The following APBA2 variants were observed in gnomAD, a reference collection of about 807,000 sequenced individuals.
The protein encoded by APBA2 is amyloid-beta A4 precursor protein-binding family A member 2.
A neutral mutation model predicts 75.0 loss-of-function variants in APBA2; 30 were observed. That is an observed-to-expected ratio of 0.40 (90% CI 0.30 to 0.54). The LOEUF (loss-of-function observed/expected upper bound fraction) is 0.54, where lower values mean the gene tolerates loss of function less well. Among genes scored for constraint, APBA2 ranks in the 20% least tolerant of loss-of-function variants. The pLI, the probability that APBA2 is intolerant of heterozygous loss-of-function variation, is 0.49. For synonymous variants in APBA2, 444 were observed against 409.6 expected (o/e 1.08, Z -1.01); for missense variants, 801 against 1,016.1 (o/e 0.79, Z 2.88).
intron 1 of APBA2, among the ~76,000 whole-genome samples, chr15:28,913,445 C>T (rs1188967745): frequency 6.6e-6 from 1 of 152,168 alleles, no homozygotes; most frequent in Non-Finnish European, 1.5e-5. Flanking sequence ...TGTCCCTTCC[C>T]CCAGGATCCT....
At chr15:29,029,344 A>G (rs1383390304) in intron 3 of APBA2, among the ~76,000 whole-genome samples, 1 of 151,066 alleles carries the variant, frequency 6.6e-6, no homozygotes, top group African/African-American at 2.4e-5. Flanking sequence ...AAAAAAAAAA[A>G]CCCCTCTGTA....
chr15:29,098,686 C>A, intron 9 of APBA2, 110 bp downstream of exon 9: 1 of 929,882 alleles, frequency 1.1e-6, no homozygotes, highest in Non-Finnish European at 1.7e-6. Flanking sequence ...GTGCTCTCTG[C>A]GCCCATCAAC....
intron 2 of APBA2, among the ~76,000 whole-genome samples, chr15:28,977,987 G>C (rs936599749): frequency 5.3e-5 from 8 of 152,232 alleles, no homozygotes; most frequent in Admixed American, 4.6e-4. Flanking sequence ...CAGGGGCTGT[G>C]TGTGCAGATA....
intron 3 of APBA2, among the ~76,000 whole-genome samples, chr15:29,050,077 A>G (rs942268006): frequency 6.6e-6 from 1 of 152,226 alleles, no homozygotes; most frequent in Non-Finnish European, 1.5e-5. Flanking sequence ...ATCTAGACAT[A>G]GTTTGCTGGA....
chr15:29,064,868 C>T (rs910118686), intron 4 of APBA2, among the ~76,000 whole-genome samples: 3 of 152,106 alleles, frequency 2.0e-5, no homozygotes, highest in African/African-American at 4.8e-5. Context: ...GCGGTGGCCA[C>T]CTGTTGGCGG....
chr15:28,949,772 T>C (rs2035752068), intron 2 of APBA2, among the ~76,000 whole-genome samples: 1 of 152,152 alleles, frequency 6.6e-6, no homozygotes, highest in African/African-American at 2.4e-5. Context: ...CCCGGCCTCT[T>C]GTTGTTGTTA....
intron 2 of APBA2, among the ~76,000 whole-genome samples, chr15:28,930,590 T>C (rs2034513249): frequency 2.0e-5 from 3 of 152,146 alleles, no homozygotes; most frequent in Non-Finnish European, 4.4e-5. Flanking sequence ...CCTTCTTTCT[T>C]TCTTTGCCTC....
chr15:29,017,559 A>C (rs2039736072), intron 3 of APBA2, among the ~76,000 whole-genome samples: 2 of 151,952 alleles, frequency 1.3e-5, no homozygotes, highest in Non-Finnish European at 2.9e-5. Flanking sequence ...TAGTAGAGAC[A>C]GCAATTTCAC....
chr15:29,085,366 A>T (rs918882338), intron 6 of APBA2, among the ~76,000 whole-genome samples: 4 of 152,038 alleles, frequency 2.6e-5, no homozygotes, highest in African/African-American at 9.7e-5. Context: ...TCTACTAAAA[A>T]TACAAAAAAT....
rs200959238 is a variant in APBA2, at chr15:29,094,396, T to TC, written c.1251+87dup. On this transcript the variant is annotated intron_variant, in intron 8 of 14. Coordinates refer to ENST00000683413, the MANE Select transcript of APBA2 (RefSeq NM_001353788.2). ...TCCTGGGCAGTGGGGGCTGGGGGGT[T>TC]CCCCTGGGGATCTAAATAATGTTGC... 5,159 of 1,285,432 alleles carry TC rather than the reference T, an allele frequency of 4.0e-3. 163 individuals are homozygous for TC. In the African/African-American group the frequency reaches 0.068, roughly 17 times the overall value. The allele number at this position is 1,285,432 out of a possible 1,614,324, so 79.6% of individuals were successfully genotyped here. A position where few individuals can be genotyped will look rare whatever the true frequency, so the allele number is the denominator to read the frequency against.
At chr15:29,056,636 C>CCTCTCTCTCTCTCT (rs147310000) in intron 4 of APBA2, among the ~76,000 whole-genome samples, 17 of 96,298 alleles carry the variant, frequency 1.8e-4, no homozygotes, top group African/African-American at 8.6e-4. Context: ...CTCCCTCCCT[C>CCTCTCTCTCTCTCT]CTCTCTCTCT....
rs537903809 is a variant in APBA2, at chr15:28,994,903, C to T, written c.-94-850C>T. On this transcript the variant is annotated intron_variant, in intron 2 of 14. Coordinates refer to ENST00000683413, the MANE Select transcript of APBA2 (RefSeq NM_001353788.2). ...TTCGTGAAGGGCTCGCAGCCTGGCC[C>T]GGCTCAACAGCTGATGCCCCCGGGA... is the stretch of plus-strand genomic sequence containing the variant. 1.4e-4 allele frequency among the ~76,000 whole-genome samples: 21 copies of T among 152,314 alleles called. No homozygotes were observed. The South Asian group carries it at 1.7e-3, about 12-fold the overall frequency.
intron 2 of APBA2, among the ~76,000 whole-genome samples, chr15:28,974,340 G>A (rs1223248923): frequency 6.6e-6 from 1 of 152,200 alleles, no homozygotes; most frequent in African/African-American, 2.4e-5. Flanking sequence ...CTACGATGCG[G>A]AAACCACAGG....
At chr15:28,977,724 G>C (rs1277320553) in intron 2 of APBA2, among the ~76,000 whole-genome samples, 8 of 152,132 alleles carry the variant, frequency 5.3e-5, no homozygotes, top group Non-Finnish European at 1.0e-4. Flanking sequence ...TACATGTCTG[G>C]GCCTACCTTC....
chr15:29,041,781 T>C (rs574433049), intron 3 of APBA2, among the ~76,000 whole-genome samples: 1 of 152,114 alleles, frequency 6.6e-6, no homozygotes, highest in Non-Finnish European at 1.5e-5. Context: ...AAAATTTATA[T>C]AGAAAAATAA....
At position 29,106,721 on chromosome 15, in the gene APBA2, G is replaced by T; in HGVS notation, c.1819G>T (p.Ala607Ser). 7.4e-6 allele frequency: 12 copies of T among 1,613,038 alleles called. No individual in the cohort carries two copies. Among genetic ancestry groups the T allele is most frequent in the Non-Finnish European group, 1.0e-5 (12 of 1,180,012 alleles). Residue 607 changes from alanine (A) to serine (S), a missense_variant, in exon 12 of 15, where the codon GCC (alanine) becomes TCC (serine). Physicochemically the swap from Ala to Ser is moderately conservative, Grantham distance 99. Transcript: ENST00000683413. ...LANMMNGGPA[A>S]RSGKLSIGDQ... ...CAACATGATGAATGGCGGCCCGGCT[G>T]CCCGCTCGGGGAAGCTGAGCATCGG...
At chr15:28,996,770 A>G (rs1193246355) in intron 3 of APBA2, among the ~76,000 whole-genome samples, 3 of 152,130 alleles carry the variant, frequency 2.0e-5, no homozygotes, top group African/African-American at 7.2e-5. Flanking sequence ...GCATGTGGTA[A>G]GCTTGGACAG....
At chr15:29,052,981 C>T (rs1413608538) in intron 3 of APBA2, among the ~76,000 whole-genome samples, 1 of 152,152 alleles carries the variant, frequency 6.6e-6, no homozygotes, top group Non-Finnish European at 1.5e-5. Flanking sequence ...TTCAAAGGTC[C>T]CACCTCTCAA....
At chr15:29,077,268 T>A (rs1392357535) in intron 6 of APBA2, among the ~76,000 whole-genome samples, 1 of 152,188 alleles carries the variant, frequency 6.6e-6, no homozygotes, top group Non-Finnish European at 1.5e-5. Context: ...TTGATTGGGT[T>A]CCTGGTTTAT....
Sources: gnomAD v4.1 joint callset for allele counts (sites outside exome capture counted in the v4.1 genomes callset) on GRCh38, gnomAD v4.1.1 for gene constraint, MANE v1.5 for transcripts, NCBI Gene and HGNC (gene_info 2026-07-23, HGNC 2026-07-21) for gene names.